EPAS1: variants seen among roughly 807,000 people sequenced by gnomAD.
EPAS1 encodes endothelial PAS domain protein 1, also known as endothelial PAS domain-containing protein 1.
Under a neutral mutation model 87.9 loss-of-function variants are expected in EPAS1, and 23 were observed. That is an observed-to-expected ratio of 0.26 (90% confidence interval 0.19 to 0.37). EPAS1 has a LOEUF of 0.37. Among genes scored for constraint, EPAS1 ranks in the 10% least tolerant of loss-of-function variants. The pLI is 1.00. For synonymous variants in EPAS1, 508 were observed against 444.3 expected (o/e 1.14, Z -1.80); for missense variants, 1,138 against 1,120.7 (o/e 1.02, Z -0.22).
chr2:46,338,597 G>A (rs1683846471), intron 1 of EPAS1, among the ~76,000 whole-genome samples: 1 of 152,200 alleles, frequency 6.6e-6, no homozygotes. Context: ...TTTTTACAGT[G>A]GGGGAAGAGG....
At chr2:46,316,066 C>T (rs114487250) in intron 1 of EPAS1, among the ~76,000 whole-genome samples, 1 of 152,184 alleles carries the variant, frequency 6.6e-6, no homozygotes, top group African/African-American at 2.4e-5. Flanking sequence ...ACATACTTTT[C>T]TCTATATCAT....
At chr2:46,362,828 G>A (rs1016692175) in intron 6 of EPAS1, among the ~76,000 whole-genome samples, 3 of 152,190 alleles carry the variant, frequency 2.0e-5, no homozygotes, top group Non-Finnish European at 2.9e-5. Context: ...AGGATTCACA[G>A]CCTTTGGAGC....
Position 46,357,720 on chromosome 2 carries a change from A to G in EPAS1, c.454+912A>G, listed in dbSNP as rs372272284. Among the ~76,000 whole-genome samples, 65 of 152,344 alleles carry G rather than the reference A, an allele frequency of 4.3e-4. 1 individual carries two copies. The East Asian group carries it at 8.9e-3, about 21-fold the overall frequency. On this transcript the variant is annotated intron_variant, in intron 4 of 15. Coordinates refer to ENST00000263734, the MANE Select transcript of EPAS1 (RefSeq NM_001430.5). ...TGGTACCCTGATGAGACGCAGGTCA[A>G]GTAGGTTTTGATGGAGAAGAGGTTT...
Position 46,360,399 on chromosome 2 carries a change from A to T in EPAS1, c.455-239A>T, listed in dbSNP as rs1684362105. ...GATGCAATGGGAAATCAAATGATGG[A>T]GCAGCTCCTCCCTTGTGGGAGTTTA... On this transcript the variant is annotated intron_variant, in intron 4 of 15. Coordinates refer to ENST00000263734, the MANE Select transcript of EPAS1 (RefSeq NM_001430.5). This position sits in a 1 kb window ranked among gnomAD's most constrained non-coding sequence, Gnocchi z 4.5. Among the ~76,000 whole-genome samples, 1 of 152,216 alleles carries T rather than the reference A, an allele frequency of 6.6e-6. No individual in the cohort carries two copies. Among genetic ancestry groups the T allele is most frequent in the South Asian group, 2.1e-4 (1 of 4,836 alleles).
At chr2:46,313,568 C>T (rs542871644) in intron 1 of EPAS1, among the ~76,000 whole-genome samples, 1 of 152,112 alleles carries the variant, frequency 6.6e-6, no homozygotes, top group African/African-American at 2.4e-5. Flanking sequence ...TCTCCCACCT[C>T]GGCTTCCTGA....
At chr2:46,332,459 T>C (rs1683704613) in intron 1 of EPAS1, among the ~76,000 whole-genome samples, 1 of 152,124 alleles carries the variant, frequency 6.6e-6, no homozygotes, top group Admixed American at 6.6e-5. Context: ...ATTAGCAGGC[T>C]AGCCAGATAA....
intron 1 of EPAS1, among the ~76,000 whole-genome samples, chr2:46,340,022 C>G (rs2104865834): frequency 6.6e-6 from 1 of 152,292 alleles, no homozygotes; most frequent in African/African-American, 2.4e-5. Flanking sequence ...GACCTTGGCA[C>G]CCACTAAGGC....
intron 1 of EPAS1, among the ~76,000 whole-genome samples, chr2:46,301,163 T>A (rs1682988317): frequency 6.6e-6 from 1 of 152,196 alleles, no homozygotes; most frequent in African/African-American, 2.4e-5. Flanking sequence ...ATAGGGAGCC[T>A]AGAATTATTT....
At chr2:46,304,399 C>T (rs906182184) in intron 1 of EPAS1, among the ~76,000 whole-genome samples, 1 of 152,136 alleles carries the variant, frequency 6.6e-6, no homozygotes, top group Non-Finnish European at 1.5e-5. Context: ...AATGGGTGTT[C>T]CATACGCCCT....
chr2:46,376,351 A>AT, intron 8 of EPAS1, among the ~76,000 whole-genome samples, 188 bp from the exon 9 acceptor site: 1 of 152,140 alleles, frequency 6.6e-6, no homozygotes, highest in Non-Finnish European at 1.5e-5. Context: ...CATTCAGAGG[A>AT]TACCTCTGTT....
At position 46,382,603 on chromosome 2, in the gene EPAS1, G is replaced by A. The variant is rs1684925359; in HGVS notation, c.2461+5G>A. 6.2e-7 allele frequency: 1 copy of A among 1,613,928 alleles called. No individual in the cohort carries two copies. Among genetic ancestry groups the A allele is most frequent in the Non-Finnish European group, 8.5e-7 (1 of 1,180,034 alleles). On this transcript the variant is annotated splice_donor_5th_base_variant and intron_variant, in intron 15 of 15. Transcript: ENST00000263734. ...CGTCAGCCCACAAGGTGTCAGGTGG[G>A]TGTGCCCAGGATCTGTCACCCCCAT...
rs765104652 is a variant in EPAS1 at position 46,384,528 on chromosome 2, C to T, written c.2481C>T (p.Leu827=). 12 of 1,614,074 alleles carry T rather than the reference C, an allele frequency of 7.4e-6. No individual in the cohort carries two copies. Among genetic ancestry groups the T allele is most frequent in the Admixed American group, 3.3e-5 (2 of 60,008 alleles). The part of the protein sequence containing the change: ...HKVSGMASRL[L]GPSFESYLLP... ...TTTCAGGCATGGCAAGCCGGCTGCT[C>T]GGGCCCTCATTTGAGTCCTACCTGC... is the stretch of plus-strand genomic sequence containing the variant. Residue 827 remains leucine (L), a synonymous_variant, in exon 16 of 16, where the codon CTC becomes CTT. Transcript: ENST00000263734.
intron 11 of EPAS1, chr2:46,379,916 G>A (rs1684847541): frequency 2.1e-6 from 1 of 467,318 alleles, no homozygotes; most frequent in South Asian, 2.1e-5. Flanking sequence ...CTCTGTGGAA[G>A]AGGGGCTGCC....
At chr2:46,381,154 A>G (rs966206189) in intron 12 of EPAS1, 19 of 344,358 alleles carry the variant, frequency 5.5e-5, no homozygotes, top group African/African-American at 4.0e-4. Context: ...GGCTCCAGAA[A>G]TGCCTTCCCA....
intron 1 of EPAS1, among the ~76,000 whole-genome samples, chr2:46,306,040 A>G (rs1398265304): frequency 6.6e-6 from 1 of 152,164 alleles, no homozygotes; most frequent in Non-Finnish European, 1.5e-5. Flanking sequence ...GTGGCTTGTT[A>G]TGAATAAGAG....
At chr2:46,327,282 C>T (rs1020703654) in intron 1 of EPAS1, among the ~76,000 whole-genome samples, 1 of 152,166 alleles carries the variant, frequency 6.6e-6, no homozygotes, top group Non-Finnish European at 1.5e-5. Context: ...TATGTGGTCC[C>T]TGGCCTCAAG....
chr2:46,297,998 G>A (rs1682919922), intron 1 of EPAS1, 61 bp downstream of exon 1: 1 of 1,594,854 alleles, frequency 6.3e-7, no homozygotes. Flanking sequence ...GCTGCGCGGG[G>A]CAGGCGCGAC....
At chr2:46,318,743 G>A (rs566809420) in intron 1 of EPAS1, among the ~76,000 whole-genome samples, 12 of 152,230 alleles carry the variant, frequency 7.9e-5, no homozygotes, top group African/African-American at 1.7e-4. Flanking sequence ...TTCACATGAC[G>A]TGTCTTCCCT....
chr2:46,316,035 C>G (rs554932114), intron 1 of EPAS1, among the ~76,000 whole-genome samples: 1 of 152,172 alleles, frequency 6.6e-6, no homozygotes, highest in African/African-American at 2.4e-5. Context: ...CCAGAGATAA[C>G]CACTGTTAAC....
Sources: gnomAD v4.1 joint callset for allele counts (sites outside exome capture counted in the v4.1 genomes callset) on GRCh38, gnomAD v4.1.1 for gene constraint, Gnocchi (gnomAD v3.1) non-coding constraint, MANE v1.5 for transcripts, NCBI Gene and HGNC (gene_info 2026-07-23, HGNC 2026-07-21) for gene names.